KCTD16: variants seen among roughly 807,000 people sequenced by gnomAD.
KCTD16 encodes the protein BTB/POZ domain-containing protein KCTD16.
A neutral mutation model predicts 33.2 loss-of-function variants in KCTD16; 13 were observed. The observed-to-expected ratio is 0.39, with a 90% confidence interval of 0.25 to 0.62. The LOEUF (loss-of-function observed/expected upper bound fraction) is 0.62. Among genes scored for constraint, KCTD16 ranks in the 20% least tolerant of loss-of-function variants. KCTD16 has a pLI of 0.50. For synonymous variants in KCTD16, 197 were observed against 195.3 expected (o/e 1.01, Z -0.07); for missense variants, 441 against 525.1 (o/e 0.84, Z 1.57).
At chr5:144,448,925 T>TA (rs2126983122) in intron 3 of KCTD16, among the ~76,000 whole-genome samples, 1 of 152,166 alleles carries the variant, frequency 6.6e-6, no homozygotes, top group Admixed American at 6.6e-5. Context: ...TTGAAATTAT[T>TA]AAAAATGACA....
Position 144,176,383 on chromosome 5 carries a change from GTTTCTTTTTTTTTTTTT to G in KCTD16, c.-327+1915_-327+1931del, listed in dbSNP as rs1311966150. Among the ~76,000 whole-genome samples the G allele has an allele frequency of 3.5e-4, 45 of 129,758 alleles. 1 individual carries two copies. The highest frequency in any genetic ancestry group is 1.3e-3 in the African/African-American group (45 of 35,864). The allele number at this position is 129,758 out of a possible 152,430, so 85.1% of individuals were successfully genotyped here. A position where few individuals can be genotyped will look rare whatever the true frequency, so the allele number is the denominator to read the frequency against. ...CCATAACAATTTTTAAAGATATAGT[GTTTCTTTTTTTTTTTTT>G]TTTTTTTTTTTTTGAGACGGAGTCT... On this transcript the variant is annotated intron_variant, in intron 2 of 3. Coordinates refer to ENST00000512467, the MANE Select transcript of KCTD16 (RefSeq NM_020768.4).
chr5:144,244,071 T>C (rs1218746136), intron 3 of KCTD16, among the ~76,000 whole-genome samples: 1 of 152,160 alleles, frequency 6.6e-6, no homozygotes, highest in Non-Finnish European at 1.5e-5. Context: ...ATTTATGGCA[T>C]GTAACTCTTT....
chr5:144,321,135 A>G (rs991877990), intron 3 of KCTD16, among the ~76,000 whole-genome samples: 1 of 152,166 alleles, frequency 6.6e-6, no homozygotes, highest in South Asian at 2.1e-4. Context: ...GATTACAGGC[A>G]TGAGCCACCA....
chr5:144,337,925 C>T (rs1323252555), intron 3 of KCTD16, among the ~76,000 whole-genome samples: 1 of 152,030 alleles, frequency 6.6e-6, no homozygotes, highest in Non-Finnish European at 1.5e-5. Flanking sequence ...TAATATCCAC[C>T]CTTTAGGATT....
At chr5:144,249,422 C>T (rs1754636976) in intron 3 of KCTD16, among the ~76,000 whole-genome samples, 1 of 151,982 alleles carries the variant, frequency 6.6e-6, no homozygotes, top group African/African-American at 2.4e-5. Flanking sequence ...TGTCTCCTTC[C>T]CCTCCCCTCT....
intron 3 of KCTD16, among the ~76,000 whole-genome samples, chr5:144,346,571 T>C (rs1438801406): frequency 6.6e-6 from 1 of 152,212 alleles, no homozygotes; most frequent in African/African-American, 2.4e-5. Context: ...AATGAGATAA[T>C]ATCTCATTGC....
chr5:144,195,571 C>T (rs1282929662), intron 2 of KCTD16, among the ~76,000 whole-genome samples: 1 of 152,178 alleles, frequency 6.6e-6, no homozygotes, highest in African/African-American at 2.4e-5. Flanking sequence ...GAGGGAAGGG[C>T]CACTCAAATG....
intron 3 of KCTD16, among the ~76,000 whole-genome samples, chr5:144,370,624 T>C (rs1407307617): frequency 1.3e-5 from 2 of 152,130 alleles, no homozygotes; most frequent in East Asian, 3.9e-4. Context: ...CACATAGCAG[T>C]TGTTTATAAA....
intron 3 of KCTD16, among the ~76,000 whole-genome samples, chr5:144,286,029 A>C (rs151206949): frequency 6.7e-6 from 1 of 150,032 alleles, no homozygotes; most frequent in East Asian, 2.0e-4. Flanking sequence ...TTTTGGCAGG[A>C]AAGTTTTTTA....
In KCTD16 at chr5:144,482,132, G is replaced by A. The variant is rs768299451; in HGVS notation, c.*8018G>A. ...TCTCTTTGTACAATCTGTTCTCTCT[G>A]TTCTCTGAACTTTGCCTGTTTCTCC... On this transcript the variant is annotated 3_prime_UTR_variant, in exon 4 of 4. Transcript: ENST00000512467. The A allele has an allele frequency of 6.6e-5, 10 of 151,934 alleles. No individual in the cohort carries two copies. Among genetic ancestry groups the A allele is most frequent in the Non-Finnish European group, 1.3e-4 (9 of 67,956 alleles). The allele number at this position is 151,934 out of a possible 1,614,324, so 9.4% of individuals were successfully genotyped here. A position where few individuals can be genotyped will look rare whatever the true frequency, so the allele number is the denominator to read the frequency against.
At chr5:144,230,010 C>G (rs969431488) in intron 3 of KCTD16, among the ~76,000 whole-genome samples, 8 of 152,120 alleles carry the variant, frequency 5.3e-5, no homozygotes, top group Admixed American at 4.6e-4. Context: ...GACATGGTAG[C>G]TTGTGCCTGT....
intron 2 of KCTD16, among the ~76,000 whole-genome samples, chr5:144,199,317 A>C (rs1313799877): frequency 6.6e-6 from 1 of 152,216 alleles, no homozygotes; most frequent in East Asian, 1.9e-4. Flanking sequence ...TATATTACAT[A>C]GTACATAGAG....
At chr5:144,248,294 G>C (rs1448453094) in intron 3 of KCTD16, among the ~76,000 whole-genome samples, 1 of 152,194 alleles carries the variant, frequency 6.6e-6, no homozygotes, top group Non-Finnish European at 1.5e-5. Flanking sequence ...AAGCTTTATG[G>C]ATATCTGGAG....
chr5:144,478,550 A>G lies in KCTD16; in HGVS notation c.*4436A>G, dbSNP rs1438764824. 1 of 152,058 alleles carries G rather than the reference A, an allele frequency of 6.6e-6. No individual in the cohort carries two copies. Among genetic ancestry groups the G allele is most frequent in the Non-Finnish European group, 1.5e-5 (1 of 67,952 alleles). The allele number at this position is 152,058 out of a possible 1,614,324, so 9.4% of individuals were successfully genotyped here. A position where few individuals can be genotyped will look rare whatever the true frequency, so the allele number is the denominator to read the frequency against. ...TCATGTGTAGCACTTGTAAAAATGC[A>G]GATTCCTTCAACCTAACTTCAAAGA... is the stretch of plus-strand genomic sequence containing the variant. On this transcript the variant is annotated 3_prime_UTR_variant, in exon 4 of 4. Transcript: ENST00000512467.
intron 3 of KCTD16, among the ~76,000 whole-genome samples, chr5:144,219,190 T>G (rs933650310): frequency 6.6e-6 from 1 of 152,176 alleles, no homozygotes; most frequent in African/African-American, 2.4e-5. Flanking sequence ...CCAGGCATTT[T>G]GTCTCCCAGC....
intron 2 of KCTD16, among the ~76,000 whole-genome samples, chr5:144,186,439 T>C (rs1752729359): frequency 6.6e-6 from 1 of 151,266 alleles, no homozygotes; most frequent in Non-Finnish European, 1.5e-5. Context: ...AAATAAAAAA[T>C]TGTACATGCT....
At chr5:144,334,512 G>A (rs1298294035) in intron 3 of KCTD16, among the ~76,000 whole-genome samples, 1 of 152,140 alleles carries the variant, frequency 6.6e-6, no homozygotes, top group Non-Finnish European at 1.5e-5. Context: ...ATGACAAAAA[G>A]TTGCCCTTCT....
chr5:144,389,375 A>G (rs993093303), intron 3 of KCTD16, among the ~76,000 whole-genome samples: 1 of 152,092 alleles, frequency 6.6e-6, no homozygotes, highest in Non-Finnish European at 1.5e-5. Flanking sequence ...TCAGATCAGC[A>G]GCAACATTAG....
At position 144,456,701 on chromosome 5, in the gene KCTD16, T is replaced by C. The variant is rs186148695; in HGVS notation, c.833-16959T>C. ...ACTGATAAATTTGTAGTTGTGTCGA[T>C]CTGGGCTTTTGAATTCATTTTGACA... On this transcript the variant is annotated intron_variant, in intron 3 of 3. Coordinates refer to ENST00000512467, the MANE Select transcript of KCTD16 (RefSeq NM_020768.4). 3.1e-3 allele frequency among the ~76,000 whole-genome samples: 465 copies of C among 152,264 alleles called. 6 individuals are homozygous for C. Among genetic ancestry groups the C allele is most frequent in the African/African-American group, 9.7e-3 (403 of 41,552 alleles).
Sources: allele counts gnomAD v4.1 joint callset (sites outside exome capture counted in the v4.1 genomes callset), GRCh38; gene constraint gnomAD v4.1.1; transcripts MANE v1.5; gene names NCBI Gene and HGNC (gene_info 2026-07-23, HGNC 2026-07-21).